GUCY1A2: variants seen among roughly 807,000 people sequenced by gnomAD.
GUCY1A2 encodes the protein guanylate cyclase soluble subunit alpha-2.
A neutral mutation model predicts 63.5 loss-of-function variants in GUCY1A2; 27 were observed. That is an observed-to-expected ratio of 0.43 (90% confidence interval 0.31 to 0.59). The LOEUF (loss-of-function observed/expected upper bound fraction) is 0.59, where lower values mean the gene tolerates loss of function less well. GUCY1A2 is among the 20% of genes least tolerant of loss of function. The pLI, the probability that GUCY1A2 is intolerant of heterozygous loss-of-function variation, is 0.11. For synonymous variants in GUCY1A2, 364 were observed against 343.5 expected, an observed-to-expected ratio of 1.06 and a Z score of -0.66; for missense variants, 768 against 913.3, an observed-to-expected ratio of 0.84 and a Z score of 2.05.
intron 4 of GUCY1A2, among the ~76,000 whole-genome samples, chr11:106,845,279 G>T (rs61902972): frequency 0.25 from 37,481 of 149,880 alleles, 4,713 homozygotes; most frequent in Middle Eastern, 0.3. Context: ...CCCTGCGGCC[G>T]ATTAAAAAAA....
chr11:106,691,179 C>A (rs1417032460), intron 7 of GUCY1A2, among the ~76,000 whole-genome samples: 2 of 151,852 alleles, frequency 1.3e-5, no homozygotes, highest in African/African-American at 2.4e-5. Context: ...GTAAATAGTC[C>A]TCTGAATGGA....
intron 4 of GUCY1A2, among the ~76,000 whole-genome samples, chr11:106,842,391 G>A (rs1462115068): frequency 6.6e-6 from 1 of 151,910 alleles, no homozygotes; most frequent in Non-Finnish European, 1.5e-5. Context: ...ATACATAAAG[G>A]CCACTATGTA....
rs192908432 is a variant in GUCY1A2, at chr11:106,936,627, A to C, written c.1206+2833T>G. On this transcript the variant is annotated intron_variant, in intron 4 of 7. Coordinates refer to ENST00000526355, the MANE Select transcript of GUCY1A2 (RefSeq NM_000855.3). ...GATAGAATCAAAGCTTGGTCAAGCC[A>C]TCTGGAAGAGTTTTTTTCTAACCTC... The C allele has an allele frequency of 2.6e-5, 37 of 1,422,632 alleles. No homozygotes were observed. In the Admixed American group the frequency reaches 6.0e-4, roughly 23 times the overall value. 88.1% of individuals were successfully genotyped at this position (1,422,632 alleles called of 1,614,324 possible).
Position 107,017,763 on chromosome 11 carries a change from G to T in GUCY1A2, c.293C>A (p.Thr98Lys). 7.1e-7 allele frequency: 1 copy of T among 1,415,640 alleles called. No individual in the cohort carries two copies. Among genetic ancestry groups the T allele is most frequent in the Non-Finnish European group, 9.2e-7 (1 of 1,084,028 alleles). The allele number at this position is 1,415,640 out of a possible 1,614,324, so 87.7% of individuals were successfully genotyped here. A position where few individuals can be genotyped will look rare whatever the true frequency, so the allele number is the denominator to read the frequency against. ...DSLGESISRLTAPSPQTIQQT... is the reference protein window; with the variant it reads ...DSLGESISRLKAPSPQTIQQT... The stretch of plus-strand genomic sequence containing the variant: ...CCGCCCCCCGCTCACCGAGGGCGCC[G>T]TCAGGCGGCTGATGCTCTCGCCCAG... Residue 98 changes from threonine (T) to lysine (K), a missense_variant, in exon 1 of 8, where the codon ACG (threonine) becomes AAG (lysine). Physicochemically the swap from Thr to Lys is moderately conservative, Grantham distance 78. Coordinates refer to ENST00000526355, the MANE Select transcript of GUCY1A2 (RefSeq NM_000855.3).
chr11:106,788,944 T>C (rs968042449), intron 5 of GUCY1A2, among the ~76,000 whole-genome samples: 3 of 152,246 alleles, frequency 2.0e-5, no homozygotes, highest in African/African-American at 7.2e-5. Context: ...AAGAATGTCA[T>C]TGGTATTTTG....
At chr11:106,742,389 T>A (rs1863710779) in intron 6 of GUCY1A2, among the ~76,000 whole-genome samples, 1 of 152,160 alleles carries the variant, frequency 6.6e-6, no homozygotes, top group African/African-American at 2.4e-5. Context: ...CCCTCATGTG[T>A]CCATGTGTTC....
rs1393769260 is a variant in GUCY1A2, at chr11:106,676,774, T to C, written c.*10775A>G. ...CATTTTTTTTTTCTATTTCAGTCTTTAGCAGTGTGGTACTCACATAAAAAA... is the reference window on the plus strand; with the variant it reads ...CATTTTTTTTTTCTATTTCAGTCTTCAGCAGTGTGGTACTCACATAAAAAA... On this transcript the variant is annotated 3_prime_UTR_variant, in exon 8 of 8. Coordinates refer to ENST00000526355, the MANE Select transcript of GUCY1A2 (RefSeq NM_000855.3). 1 of 195,850 alleles carries C rather than the reference T, an allele frequency of 5.1e-6. No individual in the cohort carries two copies. Among genetic ancestry groups the C allele is most frequent in the East Asian group, 7.9e-5 (1 of 12,606 alleles). 12.1% of individuals were successfully genotyped at this position (195,850 alleles called of 1,614,324 possible). A position where few individuals can be genotyped will look rare whatever the true frequency, so the allele number is the denominator to read the frequency against.
intron 5 of GUCY1A2, among the ~76,000 whole-genome samples, chr11:106,793,482 G>A (rs1199205432): frequency 6.6e-6 from 1 of 151,788 alleles, no homozygotes; most frequent in Non-Finnish European, 1.5e-5. Flanking sequence ...GTCAACAAAA[G>A]CAAAAATTAG....
At chr11:106,836,784 T>A (rs1312428179) in intron 4 of GUCY1A2, among the ~76,000 whole-genome samples, 2 of 151,954 alleles carry the variant, frequency 1.3e-5, no homozygotes, top group Non-Finnish European at 2.9e-5. Context: ...ATGAAATTAT[T>A]GCAATAGTAC....
intron 1 of GUCY1A2, among the ~76,000 whole-genome samples, chr11:107,005,520 C>T (rs995142367): frequency 3.3e-5 from 5 of 152,186 alleles, no homozygotes; most frequent in Non-Finnish European, 7.3e-5. Flanking sequence ...GCGATCCTCC[C>T]ATCTCAACCT....
chr11:106,729,759 T>C (rs1342368783), intron 6 of GUCY1A2, among the ~76,000 whole-genome samples: 1 of 152,066 alleles, frequency 6.6e-6, no homozygotes, highest in Non-Finnish European at 1.5e-5. Flanking sequence ...TATCTTGATA[T>C]TGTTTCTCAC....
intron 4 of GUCY1A2, among the ~76,000 whole-genome samples, chr11:106,914,752 T>C (rs989196407): frequency 2.0e-5 from 3 of 152,008 alleles, no homozygotes; most frequent in Admixed American, 6.6e-5. Flanking sequence ...AAATGTTTCA[T>C]GGGTATTTGG....
At chr11:106,965,234 T>A (rs1374091509) in intron 3 of GUCY1A2, among the ~76,000 whole-genome samples, 9 of 152,162 alleles carry the variant, frequency 5.9e-5, no homozygotes. Context: ...TGCAAGCATT[T>A]GTTGGCTAAG....
chr11:106,799,315 T>C (rs1298409459), intron 5 of GUCY1A2, among the ~76,000 whole-genome samples: 2 of 152,158 alleles, frequency 1.3e-5, no homozygotes, highest in African/African-American at 2.4e-5. Flanking sequence ...AAAATGGCCA[T>C]ACTGCCCGAG....
intron 4 of GUCY1A2, among the ~76,000 whole-genome samples, chr11:106,830,686 C>G (rs1279472499): frequency 6.6e-6 from 1 of 152,214 alleles, no homozygotes; most frequent in Non-Finnish European, 1.5e-5. Flanking sequence ...CCTCAGCTTG[C>G]AGATGTCCTA....
At chr11:106,724,306 C>T (rs571736816) in intron 6 of GUCY1A2, among the ~76,000 whole-genome samples, 17 of 152,366 alleles carry the variant, frequency 1.1e-4, no homozygotes, top group Non-Finnish European at 2.2e-4. Context: ...GACCCTTCTA[C>T]TTCTCAAGTT....
chr11:106,838,798 A>G (rs1223048676), intron 4 of GUCY1A2, among the ~76,000 whole-genome samples: 1 of 152,028 alleles, frequency 6.6e-6, no homozygotes, highest in Non-Finnish European at 1.5e-5. Flanking sequence ...GTGTCTGTTC[A>G]TATCCTTCGC....
At chr11:106,835,810 A>G (rs945057916) in intron 4 of GUCY1A2, among the ~76,000 whole-genome samples, 1 of 151,618 alleles carries the variant, frequency 6.6e-6, no homozygotes, top group Non-Finnish European at 1.5e-5. Context: ...TAATGAGATC[A>G]ACACAAACCA....
intron 3 of GUCY1A2, among the ~76,000 whole-genome samples, chr11:106,950,789 A>T (rs1379292345): frequency 6.6e-6 from 1 of 152,208 alleles, no homozygotes; most frequent in African/African-American, 2.4e-5. Flanking sequence ...TCTTCTAAAA[A>T]AATGGGATAC....
Sources: gnomAD v4.1 joint callset for allele counts (sites outside exome capture counted in the v4.1 genomes callset) on GRCh38, gnomAD v4.1.1 for gene constraint, MANE v1.5 for transcripts, NCBI Gene and HGNC (gene_info 2026-07-23, HGNC 2026-07-21) for gene names.